TRIO: variants seen among roughly 807,000 people sequenced by gnomAD.
The protein encoded by TRIO is trio Rho guanine nucleotide exchange factor.
Under a neutral mutation model 351.9 loss-of-function variants are expected in TRIO, and 58 were observed. That is an observed-to-expected ratio of 0.16 (90% CI 0.13 to 0.21). The LOEUF (loss-of-function observed/expected upper bound fraction) is 0.21, where lower values mean the gene tolerates loss of function less well. Among genes scored for constraint, TRIO ranks in the 10% least tolerant of loss-of-function variants. The pLI, the probability that TRIO is intolerant of heterozygous loss-of-function variation, is 1.00. For synonymous variants in TRIO, 1,758 were observed against 1,595.7 expected, an observed-to-expected ratio of 1.10 and a Z score of -2.42; for missense variants, 3,201 against 4,027.8, an observed-to-expected ratio of 0.79 and a Z score of 5.56.
chr5:14,211,974 A>AAAAC (rs1312897221), intron 1 of TRIO, among the ~76,000 whole-genome samples: 1 of 151,416 alleles, frequency 6.6e-6, no homozygotes, highest in Non-Finnish European at 1.5e-5. Context: ...CAAAAAAACA[A>AAAAC]AAACAAACAA....
chr5:14,339,690 C>T (rs371707264), intron 11 of TRIO, among the ~76,000 whole-genome samples: 11 of 152,164 alleles, frequency 7.2e-5, no homozygotes, highest in Middle Eastern at 3.2e-3. Flanking sequence ...CATTCAAGGA[C>T]GCTGCCCGCA....
intron 45 of TRIO, 62 bp downstream of exon 45, chr5:14,481,680 A>G: frequency 6.5e-7 from 1 of 1,539,368 alleles, no homozygotes; most frequent in Non-Finnish European, 8.9e-7. Context: ...TTTGTCTTGG[A>G]TTATTTCTCT....
intron 1 of TRIO, among the ~76,000 whole-genome samples, chr5:14,231,914 G>T (rs999317241): frequency 4.6e-5 from 7 of 150,730 alleles, no homozygotes; most frequent in Non-Finnish European, 7.4e-5. Context: ...ACAAATACTC[G>T]TTGGGAATCT....
At chr5:14,490,928 A>G (rs182545621) in intron 48 of TRIO, 3 of 448,798 alleles carry the variant, frequency 6.7e-6, no homozygotes, top group Admixed American at 2.4e-5. Flanking sequence ...AGTATAATGC[A>G]TAAATGAGTA....
intron 1 of TRIO, among the ~76,000 whole-genome samples, chr5:14,218,966 G>A (rs1279862960): frequency 6.6e-6 from 1 of 152,188 alleles, no homozygotes; most frequent in Admixed American, 6.5e-5. Flanking sequence ...GTTGCTCTGC[G>A]CCTTCTTGTT....
At chr5:14,164,985 G>A (rs2152122086) in intron 1 of TRIO, among the ~76,000 whole-genome samples, 1 of 152,218 alleles carries the variant, frequency 6.6e-6, no homozygotes, top group East Asian at 1.9e-4. Flanking sequence ...GGTGGTCCTT[G>A]GGTGCACAGT....
intron 1 of TRIO, among the ~76,000 whole-genome samples, chr5:14,259,861 C>G (rs972933972): frequency 6.6e-6 from 1 of 151,726 alleles, no homozygotes; most frequent in South Asian, 2.1e-4. Flanking sequence ...ACAAGGCTGT[C>G]TGGCCTCTGC....
chr5:14,389,287 A>G lies in TRIO; in HGVS notation c.3949-2A>G. The stretch of plus-strand genomic sequence containing the variant: ...TCTAATCCCTGTTTCCCTCTCGGCT[A>G]GACGTACCTGTGGGAAATGACCAGT... On this transcript the variant is annotated splice_acceptor_variant, in intron 24 of 56. Transcript: ENST00000344204. LOFTEE classifies it high-confidence loss of function. The G allele has an allele frequency of 1.2e-6, 2 of 1,605,662 alleles. No individual in the cohort carries two copies. Among genetic ancestry groups the G allele is most frequent in the Admixed American group, 1.7e-5 (1 of 58,024 alleles).
chr5:14,421,121 G>A (rs912212850), intron 34 of TRIO, among the ~76,000 whole-genome samples: 3 of 152,186 alleles, frequency 2.0e-5, no homozygotes, highest in African/African-American at 7.2e-5. Context: ...TACCAAGAAG[G>A]TGTTTCTTAA....
intron 40 of TRIO, among the ~76,000 whole-genome samples, chr5:14,474,680 T>C (rs1020169566): frequency 9.8e-5 from 15 of 152,316 alleles, no homozygotes; most frequent in African/African-American, 3.4e-4. Context: ...TTTTATTTTT[T>C]AGAGACAGGG....
chr5:14,300,661 C>T (rs972642824), intron 7 of TRIO, among the ~76,000 whole-genome samples: 4 of 152,070 alleles, frequency 2.6e-5, no homozygotes, highest in Non-Finnish European at 5.9e-5. Context: ...TCATTTCATC[C>T]TTAAATCAGC....
At chr5:14,296,656 G>C (rs1737387886) in intron 6 of TRIO, among the ~76,000 whole-genome samples, 1 of 152,122 alleles carries the variant, frequency 6.6e-6, no homozygotes, top group Non-Finnish European at 1.5e-5. Flanking sequence ...ACGTGTTTTT[G>C]GGTTTCTGGG....
At chr5:14,482,948 T>A (rs912608912) in intron 46 of TRIO, among the ~76,000 whole-genome samples, 175 bp downstream of exon 46, 2 of 152,242 alleles carry the variant, frequency 1.3e-5, no homozygotes, top group African/African-American at 4.8e-5. Context: ...TCTGTGTTCT[T>A]GAGTGGCTGA....
At chr5:14,214,732 C>G (rs967312241) in intron 1 of TRIO, among the ~76,000 whole-genome samples, 2 of 152,158 alleles carry the variant, frequency 1.3e-5, no homozygotes, top group Non-Finnish European at 2.9e-5. Flanking sequence ...TTATATTTCA[C>G]TTTGATGATA....
intron 23 of TRIO, 130 bp from the exon 24 acceptor site, chr5:14,388,483 C>T: frequency 1.2e-6 from 1 of 868,962 alleles, no homozygotes. Flanking sequence ...ATTTGTGATT[C>T]ACCTCTCCAA....
chr5:14,472,786 C>A, intron 39 of TRIO, 128 bp downstream of exon 39: 3 of 998,100 alleles, frequency 3.0e-6, no homozygotes, highest in Non-Finnish European at 2.9e-6. Context: ...AAAAAGTGAC[C>A]AACGATGTAT....
At chr5:14,406,477 G>A in intron 32 of TRIO, 96 bp from the exon 33 acceptor site, 5 of 1,199,466 alleles carry the variant, frequency 4.2e-6, no homozygotes, top group Middle Eastern at 1.9e-4. Context: ...AGGCACTCAC[G>A]AAGGCTGATA....
At chr5:14,348,686 A>T (rs1365642049) in intron 11 of TRIO, among the ~76,000 whole-genome samples, 1 of 144,280 alleles carries the variant, frequency 6.9e-6, no homozygotes, top group Non-Finnish European at 1.5e-5. Context: ...TACGCACATG[A>T]GCATGTTTTT....
chr5:14,247,849 C>T (rs1265279498), intron 1 of TRIO, among the ~76,000 whole-genome samples: 4 of 152,014 alleles, frequency 2.6e-5, no homozygotes, highest in Non-Finnish European at 4.4e-5. Context: ...AGGCAGATCA[C>T]GAGGTCAGGA....
Sources: allele counts gnomAD v4.1 joint callset (sites outside exome capture counted in the v4.1 genomes callset), GRCh38; gene constraint gnomAD v4.1.1; transcripts MANE v1.5; gene names NCBI Gene and HGNC (gene_info 2026-07-23, HGNC 2026-07-21).